The following PRTG variants were observed in gnomAD, a reference collection of about 807,000 sequenced individuals.
The protein encoded by PRTG is protogenin.
In PRTG, 67 loss-of-function variants were observed where a neutral mutation model predicts 122.5. The ratio of observed to expected loss-of-function variants is 0.55; its 90% CI spans 0.45 to 0.67. The LOEUF (loss-of-function observed/expected upper bound fraction) is 0.67. Among genes scored for constraint, PRTG ranks in the 30% least tolerant of loss-of-function variants. The pLI is 0.00. For missense variants in PRTG, 1,435 were observed against 1,415.4 expected (o/e 1.01, Z -0.22); for synonymous variants, 554 against 501.1 (o/e 1.11, Z -1.41).
chr15:55,660,482 T>C (rs754474984), intron 11 of PRTG, among the ~76,000 whole-genome samples: 1 of 152,242 alleles, frequency 6.6e-6, no homozygotes, highest in Non-Finnish European at 1.5e-5. Flanking sequence ...GTATGATTAA[T>C]GGACAGTATT....
chr15:55,649,253 TG>T (rs2059340758), intron 11 of PRTG, among the ~76,000 whole-genome samples: 1 of 152,164 alleles, frequency 6.6e-6, no homozygotes, highest in East Asian at 1.9e-4. Context: ...GGTTAAGAGC[TG>T]GGATATTAAA....
chr15:55,732,560 T>C (rs1274147516), intron 2 of PRTG, among the ~76,000 whole-genome samples: 1 of 146,828 alleles, frequency 6.8e-6, no homozygotes, highest in Non-Finnish European at 1.5e-5. Context: ...AATGGCGCGA[T>C]CTCAGCTTAC....
At chr15:55,641,269 G>C (rs2059289002) in intron 11 of PRTG, 61 bp from the exon 12 acceptor site, 2 of 1,224,578 alleles carry the variant, frequency 1.6e-6, no homozygotes, top group Middle Eastern at 1.9e-4. Context: ...CAAAGGTTCT[G>C]AATGAAGCCT....
At chr15:55,702,128 A>C (rs985826245) in intron 2 of PRTG, among the ~76,000 whole-genome samples, 1 of 152,228 alleles carries the variant, frequency 6.6e-6, no homozygotes, top group Non-Finnish European at 1.5e-5. Context: ...TCTTTAAAAA[A>C]CAGAAAAGAT....
chr15:55,740,286 G>T, intron 2 of PRTG, 96 bp downstream of exon 2: 1 of 1,141,748 alleles, frequency 8.8e-7, no homozygotes, highest in Non-Finnish European at 1.2e-6. Context: ...AATTCTTAAT[G>T]CATGCATGAT....
chr15:55,633,821 G>T (rs1160081083), intron 15 of PRTG, among the ~76,000 whole-genome samples: 2 of 152,060 alleles, frequency 1.3e-5, no homozygotes, highest in African/African-American at 2.4e-5. Flanking sequence ...TACGAAAAAA[G>T]TTCTCTGCAT....
At chr15:55,632,669 T>A (rs1220508752) in intron 15 of PRTG, among the ~76,000 whole-genome samples, 1 of 152,230 alleles carries the variant, frequency 6.6e-6, no homozygotes, top group Non-Finnish European at 1.5e-5. Flanking sequence ...CCCCCAGATA[T>A]CCACAGGGTT....
At position 55,636,733 on chromosome 15, in the gene PRTG, G is replaced by A. The variant is rs576662504; in HGVS notation, c.2623+437C>T. The stretch of plus-strand genomic sequence containing the variant: ...TGCAATCTCAGCTCAATGCAACTCC[G>A]CCTCCTGGGTTCAAGCCAATTTCCT... On this transcript the variant is annotated intron_variant, in intron 15 of 19. Coordinates refer to ENST00000389286, the MANE Select transcript of PRTG (RefSeq NM_173814.6). Among the ~76,000 whole-genome samples the A allele has an allele frequency of 5.3e-5, 8 of 151,042 alleles. No individual in the cohort carries two copies. The South Asian group carries it at 6.2e-4, about 12-fold the overall frequency.
rs375429078 is a variant in PRTG, at chr15:55,636,022, T to C, written c.2623+1148A>G. On this transcript the variant is annotated intron_variant, in intron 15 of 19. Coordinates refer to ENST00000389286, the MANE Select transcript of PRTG (RefSeq NM_173814.6). ...CCATCTAAAATCTGGCAAATGTGAC[T>C]TGTCCAACTTAAAGATTCAAGATTT... Among the ~76,000 whole-genome samples, 22 of 152,096 alleles carry C rather than the reference T, an allele frequency of 1.4e-4. No individual in the cohort carries two copies. The South Asian group carries it at 4.4e-3, about 30-fold the overall frequency.
intron 2 of PRTG, among the ~76,000 whole-genome samples, chr15:55,725,250 T>C (rs778672714): frequency 5.3e-5 from 8 of 152,138 alleles, no homozygotes; most frequent in Non-Finnish European, 1.0e-4. Flanking sequence ...TTAAGTATAA[T>C]TCCTGTGGTA....
intron 2 of PRTG, among the ~76,000 whole-genome samples, chr15:55,709,145 CAAAAAAAAAAAAAAAA>C (rs3985769): frequency 3.9e-5 from 2 of 51,832 alleles, no homozygotes; most frequent in South Asian, 8.8e-4. Flanking sequence ...GACTCTGTCT[CAAAAAAAAAAAAAAAA>C]AAAAAAAAAA....
chr15:55,650,954 G>A (rs1168581083), intron 11 of PRTG, among the ~76,000 whole-genome samples: 1 of 152,048 alleles, frequency 6.6e-6, no homozygotes, highest in Non-Finnish European at 1.5e-5. Flanking sequence ...GTGACAGAGT[G>A]AGACTCAGTC....
At chr15:55,717,971 T>C (rs2030661926) in intron 2 of PRTG, among the ~76,000 whole-genome samples, 2 of 152,180 alleles carry the variant, frequency 1.3e-5, no homozygotes, top group Non-Finnish European at 1.5e-5. Flanking sequence ...ATCAATCCCC[T>C]GTCCTCCTGC....
rs948551228 is a variant in PRTG at position 55,617,389 on chromosome 15, C to A, written c.*2623G>T. 1 of 151,984 alleles carries A rather than the reference C, an allele frequency of 6.6e-6. No individual in the cohort carries two copies. The highest frequency in any genetic ancestry group is 1.5e-5 in the Non-Finnish European group (1 of 67,946). 9.4% of individuals were successfully genotyped at this position (151,984 alleles called of 1,614,324 possible). A position where few individuals can be genotyped will look rare whatever the true frequency, so the allele number is the denominator to read the frequency against. On this transcript the variant is annotated 3_prime_UTR_variant, in exon 20 of 20. Transcript: ENST00000389286. ...CAACTTATTTTAAATGCTCTGGTAACAATAAGGTAGTTAACATTACTAATC... is the reference window on the plus strand; with the variant it reads ...CAACTTATTTTAAATGCTCTGGTAAAAATAAGGTAGTTAACATTACTAATC...
At chr15:55,663,538 T>C (rs1465878968) in intron 11 of PRTG, among the ~76,000 whole-genome samples, 1 of 150,900 alleles carries the variant, frequency 6.6e-6, no homozygotes, top group Non-Finnish European at 1.5e-5. Flanking sequence ...TCTTTTCTTT[T>C]CTTTTTTTTT....
chr15:55,672,349 C>T (rs1412706435), intron 11 of PRTG, 96 bp downstream of exon 11: 3 of 937,374 alleles, frequency 3.2e-6, no homozygotes, highest in Non-Finnish European at 5.0e-6. Context: ...TTCTTTGTAC[C>T]ATTAAGTAAG....
intron 13 of PRTG, 94 bp from the exon 14 acceptor site, chr15:55,638,770 T>C (rs994639818): frequency 3.0e-6 from 3 of 1,002,548 alleles, no homozygotes; most frequent in African/African-American, 3.3e-5. Flanking sequence ...GGCATAATGT[T>C]ATTTTTCATT....
rs59626091 is a variant in PRTG at position 55,649,791 on chromosome 15, C to CAATA, written c.2042-8587_2042-8584dup. 4.9e-3 allele frequency among the ~76,000 whole-genome samples: 724 copies of CAATA among 147,992 alleles called. 9 individuals carry two copies. The highest frequency in any genetic ancestry group is 0.027 in the East Asian group (135 of 5,004). On this transcript the variant is annotated intron_variant, in intron 11 of 19. Transcript: ENST00000389286. ...TGGGAGACAGAGCGAGACTCAGTCT[C>CAATA]AATAAATAAATAAATAAATAAATAA...
intron 2 of PRTG, among the ~76,000 whole-genome samples, chr15:55,731,813 ATAC>A (rs1267832280): frequency 6.6e-5 from 10 of 152,362 alleles, no homozygotes; most frequent in East Asian, 3.9e-4. Context: ...ACACTGGAAT[ATAC>A]TACTAATTAT....
Sources: allele counts gnomAD v4.1 joint callset (sites outside exome capture counted in the v4.1 genomes callset), GRCh38; gene constraint gnomAD v4.1.1; transcripts MANE v1.5; gene names NCBI Gene and HGNC (gene_info 2026-07-23, HGNC 2026-07-21).